ERBIN: variants seen among roughly 807,000 people sequenced by gnomAD.
ERBIN encodes densin-180-like protein.
Under a neutral mutation model 158.4 loss-of-function variants are expected in ERBIN, and 60 were observed. The observed-to-expected ratio is 0.38, with a 90% CI of 0.31 to 0.47. The LOEUF (loss-of-function observed/expected upper bound fraction) is 0.47, where lower values mean the gene tolerates loss of function less well. ERBIN is among the 20% of genes least tolerant of loss of function. The pLI, the probability that ERBIN is intolerant of heterozygous loss-of-function variation, is 0.99. For synonymous variants in ERBIN, 594 were observed against 557.2 expected (o/e 1.07, Z -0.93); for missense variants, 1,610 against 1,648.0 (o/e 0.98, Z 0.40).
intron 1 of ERBIN, among the ~76,000 whole-genome samples, chr5:65,944,702 T>C (rs1561277968): frequency 6.6e-6 from 1 of 152,152 alleles, no homozygotes; most frequent in Non-Finnish European, 1.5e-5. Context: ...TACCTGGCCT[T>C]ATTATGGTTT....
chr5:66,002,353 G>T (rs1371798297), intron 4 of ERBIN, among the ~76,000 whole-genome samples: 1 of 152,192 alleles, frequency 6.6e-6, no homozygotes, highest in Admixed American at 6.5e-5. Context: ...ATAGCAACCA[G>T]TATTAGAGAA....
At chr5:65,999,670 A>C (rs1231493937) in intron 4 of ERBIN, among the ~76,000 whole-genome samples, 1 of 152,164 alleles carries the variant, frequency 6.6e-6, no homozygotes, top group East Asian at 1.9e-4. Context: ...CATGATTTTC[A>C]TGACAATTTC....
intron 1 of ERBIN, among the ~76,000 whole-genome samples, chr5:65,946,149 G>C (rs1373534591): frequency 1.3e-5 from 2 of 152,084 alleles, no homozygotes; most frequent in African/African-American, 4.8e-5. Context: ...CAGCTCACTT[G>C]AACTCAAGAG....
At chr5:66,068,844 A>G (rs578008663) in intron 21 of ERBIN, 4 of 1,499,396 alleles carry the variant, frequency 2.7e-6, no homozygotes, top group Non-Finnish European at 3.6e-6. Context: ...ATGCTACACT[A>G]ATCTCTGTTA....
rs1392617881 is a variant in ERBIN at position 66,053,980 on chromosome 5, A to T, written c.2662A>T (p.Ser888Cys). 6.2e-7 allele frequency: 1 copy of T among 1,614,164 alleles called. No individual in the cohort carries two copies. Among genetic ancestry groups the T allele is most frequent in the East Asian group, 2.2e-5 (1 of 44,876 alleles). ...AGGGCTAAAAATCTATGATATTCTTAGTGATAATGGACCTCAGCAGCCAAG... is the reference window on the plus strand; with the variant it reads ...AGGGCTAAAAATCTATGATATTCTTTGTGATAATGGACCTCAGCAGCCAAG... Reference protein sequence around the residue: ...IGGLKIYDILSDNGPQQPSTT... With the variant: ...IGGLKIYDILCDNGPQQPSTT... Residue 888 changes from serine to cysteine, a missense_variant, in exon 21 of 26, where the codon AGT becomes TGT. Transcript: ENST00000284037.
chr5:65,933,277 T>C (rs1239422313), intron 1 of ERBIN, among the ~76,000 whole-genome samples: 1 of 152,272 alleles, frequency 6.6e-6, no homozygotes, highest in Non-Finnish European at 1.5e-5. Context: ...GTCAAAGTTT[T>C]ATATGATGAC....
intron 20 of ERBIN, among the ~76,000 whole-genome samples, chr5:66,052,124 G>A (rs1250649757): frequency 6.6e-6 from 1 of 150,986 alleles, no homozygotes; most frequent in Non-Finnish European, 1.5e-5. Flanking sequence ...TTGAGCTTGC[G>A]AGGTTTAGGC....
In ERBIN at chr5:66,003,424, C is replaced by T. The variant is rs373521443; in HGVS notation, c.307+8560C>T. On this transcript the variant is annotated intron_variant, in intron 4 of 25. Coordinates refer to ENST00000284037, the MANE Select transcript of ERBIN (RefSeq NM_001253697.2). ...AAGGTTTCAGAAAATAACGGTTTGC[C>T]GTGGATGGGATGCTGTCAAGAAGTG... Among the ~76,000 whole-genome samples, 7 of 152,028 alleles carry T rather than the reference C, an allele frequency of 4.6e-5. No individual in the cohort carries two copies. In the South Asian group the frequency reaches 1.0e-3, roughly 23 times the overall value.
At chr5:65,958,427 C>G (rs1017632878) in intron 1 of ERBIN, among the ~76,000 whole-genome samples, 1 of 152,276 alleles carries the variant, frequency 6.6e-6, no homozygotes, top group South Asian at 2.1e-4. Context: ...GAGACCAGCC[C>G]GGCCAACACA....
chr5:66,078,329 AT>A (rs1327203269), intron 25 of ERBIN, 93 bp from the exon 26 acceptor site: 3 of 780,126 alleles, frequency 3.8e-6, no homozygotes, highest in Non-Finnish European at 6.3e-6. Flanking sequence ...TGCCAAAGTG[AT>A]TCTTATTTTC....
At chr5:65,986,343 G>A (rs1055750938) in intron 1 of ERBIN, among the ~76,000 whole-genome samples, 8 of 152,150 alleles carry the variant, frequency 5.3e-5, no homozygotes, top group African/African-American at 1.7e-4. Context: ...TGGCAGCTCC[G>A]TTCCACCAGA....
chr5:65,992,445 C>G (rs1751979695), intron 2 of ERBIN, among the ~76,000 whole-genome samples: 1 of 151,924 alleles, frequency 6.6e-6, no homozygotes, highest in South Asian at 2.1e-4. Flanking sequence ...CTGCGCCCGG[C>G]CTCAAAGCAC....
At chr5:65,991,947 G>C (rs16894687) in intron 2 of ERBIN, among the ~76,000 whole-genome samples, 2,658 of 152,228 alleles carry the variant, frequency 0.017, 79 homozygotes, top group African/African-American at 0.061. Flanking sequence ...TTCATAGGAA[G>C]GTTATAGGGT....
In ERBIN at chr5:66,054,141, G is replaced by A. The variant is rs1233731741; in HGVS notation, c.2823G>A (p.Lys941=). The A allele has an allele frequency of 9.3e-6, 15 of 1,613,988 alleles. No individual in the cohort carries two copies. The highest frequency in any genetic ancestry group is 1.3e-5 in the African/African-American group (1 of 74,900). Reference sequence around the variant, plus strand: ...CTTCTGATTTAATATCAGGAACAAAGGCAATTTTCAAGTTTGATTCAAATC... The same window carrying A: ...CTTCTGATTTAATATCAGGAACAAAAGCAATTTTCAAGTTTGATTCAAATC... The part of the protein sequence containing the change: ...SSSSDLISGT[K]AIFKFDSNHN... The change falls in exon 21 of 26, where the codon AAG becomes AAA. Residue 941 remains lysine (K), a synonymous_variant. Transcript: ENST00000284037.
chr5:66,045,436 T>A (rs1475615942), intron 17 of ERBIN, among the ~76,000 whole-genome samples: 3 of 146,116 alleles, frequency 2.1e-5, no homozygotes, highest in African/African-American at 8.3e-5. Context: ...AGTATATGTA[T>A]ATGTATATGT....
intron 7 of ERBIN, 65 bp downstream of exon 7, chr5:66,014,790 A>C: frequency 1.3e-6 from 1 of 797,798 alleles, no homozygotes; most frequent in African/African-American, 1.8e-5. Context: ...GTCTTTAAAA[A>C]TGTAAATTTT....
chr5:66,052,155 C>T (rs1279465291), intron 20 of ERBIN, among the ~76,000 whole-genome samples: 1 of 149,136 alleles, frequency 6.7e-6, no homozygotes, highest in Non-Finnish European at 1.5e-5. Flanking sequence ...CATGATCAGG[C>T]TACTGCACTC....
At chr5:66,072,048 T>G (rs566072784) in intron 21 of ERBIN, 121 bp from the exon 22 acceptor site, 50 of 923,430 alleles carry the variant, frequency 5.4e-5, no homozygotes, top group Admixed American at 1.1e-4. Flanking sequence ...AGTGTTTGAT[T>G]TGGGTCTTCA....
At chr5:65,981,465 T>G (rs1276200539) in intron 1 of ERBIN, among the ~76,000 whole-genome samples, 1 of 152,002 alleles carries the variant, frequency 6.6e-6, no homozygotes, top group Non-Finnish European at 1.5e-5. Context: ...AATATAACAT[T>G]TCCTCTTTGA....
Sources: allele counts gnomAD v4.1 joint callset (sites outside exome capture counted in the v4.1 genomes callset), GRCh38; gene constraint gnomAD v4.1.1; transcripts MANE v1.5; gene names NCBI Gene and HGNC (gene_info 2026-07-23, HGNC 2026-07-21).